The following GPM6A variants were observed in gnomAD, a reference collection of about 807,000 sequenced individuals.
GPM6A encodes the protein neuronal membrane glycoprotein M6-a.
A neutral mutation model predicts 32.1 loss-of-function variants in GPM6A; 7 were observed. The observed-to-expected ratio is 0.22, with a 90% CI of 0.12 to 0.41. The LOEUF is 0.41. Among genes scored for constraint, GPM6A ranks in the 10% least tolerant of loss-of-function variants. GPM6A has a pLI of 1.00. For missense variants in GPM6A, 235 were observed against 347.2 expected (o/e 0.68, Z 2.57); for synonymous variants, 130 against 123.4 (o/e 1.05, Z -0.35).
chr4:175,709,099 T>A (rs1745382727), intron 1 of GPM6A, among the ~76,000 whole-genome samples: 1 of 152,200 alleles, frequency 6.6e-6, no homozygotes. Context: ...TAAAATATAT[T>A]CATTTTCTCA....
chr4:175,654,758 T>C (rs1250413064), intron 3 of GPM6A, among the ~76,000 whole-genome samples: 1 of 152,130 alleles, frequency 6.6e-6, no homozygotes, highest in East Asian at 1.9e-4. Context: ...TTTATTAACA[T>C]TTTCATTATT....
intron 1 of GPM6A, among the ~76,000 whole-genome samples, chr4:175,740,861 G>A (rs370462390): frequency 2.0e-5 from 3 of 151,892 alleles, no homozygotes; most frequent in African/African-American, 7.2e-5. Flanking sequence ...TTTAAGGCAG[G>A]GCTCTGAATG....
rs571997081 is a variant in GPM6A, at chr4:175,970,446, T to C, written c.-23+31863A>G. 8.5e-5 allele frequency among the ~76,000 whole-genome samples: 13 copies of C among 152,342 alleles called. No individual in the cohort carries two copies. The South Asian group carries it at 2.3e-3, about 27-fold the overall frequency. On this transcript the variant is annotated intron_variant, in intron 1 of 7. Coordinates refer to the GPM6A transcript ENST00000280187. ...ACTGGTAAACAATAACAATAGACTT[T>C]GTAATACGTTTGGTTTGTTCGTGTG...
At chr4:175,945,681 T>C (rs1446570668) in intron 1 of GPM6A, among the ~76,000 whole-genome samples, 2 of 144,896 alleles carry the variant, frequency 1.4e-5, no homozygotes, top group Non-Finnish European at 1.6e-5. Flanking sequence ...ATGTTATAAG[T>C]AATATAACTT....
At chr4:175,679,447 GTAC>G (rs1429711000) in intron 2 of GPM6A, among the ~76,000 whole-genome samples, 5 of 152,062 alleles carry the variant, frequency 3.3e-5, no homozygotes, top group Non-Finnish European at 5.9e-5. Flanking sequence ...TCTGTACTGT[GTAC>G]TACTTCTCTT....
chr4:175,786,564 C>T (rs1356193577), intron 1 of GPM6A, among the ~76,000 whole-genome samples: 1 of 151,990 alleles, frequency 6.6e-6, no homozygotes, highest in African/African-American at 2.4e-5. Context: ...TACCCAGCAC[C>T]TTCTCCTGCC....
chr4:175,819,173 A>G (rs1735201152), intron 1 of GPM6A, among the ~76,000 whole-genome samples: 1 of 152,218 alleles, frequency 6.6e-6, no homozygotes, highest in Non-Finnish European at 1.5e-5. Context: ...GGTAAGCAGC[A>G]GTGGCCTCTG....
At chr4:175,669,913 C>T (rs1462630136) in intron 3 of GPM6A, among the ~76,000 whole-genome samples, 4 of 152,002 alleles carry the variant, frequency 2.6e-5, no homozygotes, top group Admixed American at 2.6e-4. Context: ...ATGGGTGAAA[C>T]TTCTATAAAC....
chr4:175,721,201 C>G (rs1328350625), intron 1 of GPM6A, among the ~76,000 whole-genome samples: 1 of 146,674 alleles, frequency 6.8e-6, no homozygotes, highest in Admixed American at 7.0e-5. Flanking sequence ...CTAGGCCAGG[C>G]ACAGTGGCTC....
At chr4:175,954,305 A>G (rs919951553) in intron 1 of GPM6A, among the ~76,000 whole-genome samples, 1 of 152,194 alleles carries the variant, frequency 6.6e-6, no homozygotes, top group Admixed American at 6.5e-5. Context: ...CATCATCTCC[A>G]TGAGTTCTAC....
intron 1 of GPM6A, among the ~76,000 whole-genome samples, chr4:175,892,316 T>C (rs1737673193): frequency 6.6e-6 from 1 of 152,208 alleles, no homozygotes; most frequent in African/African-American, 2.4e-5. Context: ...AACAATCTGC[T>C]ACTTATTGTT....
intron 1 of GPM6A, among the ~76,000 whole-genome samples, chr4:175,939,028 G>C (rs918190846): frequency 1.3e-5 from 2 of 152,000 alleles, no homozygotes; most frequent in South Asian, 2.1e-4. Context: ...GTAACCAAAA[G>C]AATAATGCTA....
chr4:175,894,471 T>C (rs774387239), intron 1 of GPM6A, among the ~76,000 whole-genome samples: 6 of 152,196 alleles, frequency 3.9e-5, no homozygotes, highest in African/African-American at 9.6e-5. Flanking sequence ...TCTGAGGAAA[T>C]AGCTGCTCCA....
chr4:175,725,505 C>T (rs1746360365), intron 1 of GPM6A, among the ~76,000 whole-genome samples: 1 of 152,022 alleles, frequency 6.6e-6, no homozygotes, highest in South Asian at 2.1e-4. Context: ...ATTGCCCAGC[C>T]TGGTCTAGAA....
At chr4:175,747,816 C>A (rs1357413884) in intron 1 of GPM6A, among the ~76,000 whole-genome samples, 1 of 152,078 alleles carries the variant, frequency 6.6e-6, no homozygotes, top group Non-Finnish European at 1.5e-5. Flanking sequence ...TTAACTATTC[C>A]TTTCACAAAA....
At chr4:175,934,096 G>A (rs1739146170) in intron 1 of GPM6A, among the ~76,000 whole-genome samples, 1 of 152,158 alleles carries the variant, frequency 6.6e-6, no homozygotes, top group South Asian at 2.1e-4. Context: ...TTGAGGGTTG[G>A]GGTGGATTGA....
At chr4:175,964,382 T>A (rs1228045371) in intron 1 of GPM6A, among the ~76,000 whole-genome samples, 1 of 152,102 alleles carries the variant, frequency 6.6e-6, no homozygotes, top group African/African-American at 2.4e-5. Flanking sequence ...AGAAATACCA[T>A]TACTATACTA....
chr4:175,920,796 G>A (rs979416878), intron 1 of GPM6A, among the ~76,000 whole-genome samples: 1 of 151,022 alleles, frequency 6.6e-6, no homozygotes, highest in Admixed American at 6.6e-5. Context: ...TGGCTCACTT[G>A]TGCCACTGCA....
At chr4:175,756,511 C>T (rs972833259) in intron 1 of GPM6A, among the ~76,000 whole-genome samples, 1 of 152,038 alleles carries the variant, frequency 6.6e-6, no homozygotes, top group East Asian at 1.9e-4. Context: ...ACTGACAGTA[C>T]TTTGTTTATG....
Sources: gnomAD v4.1 joint callset for allele counts (sites outside exome capture counted in the v4.1 genomes callset) on GRCh38, gnomAD v4.1.1 for gene constraint, MANE v1.5 for transcripts, NCBI Gene and HGNC (gene_info 2026-07-23, HGNC 2026-07-21) for gene names.